The following BRCA2 variants were observed in gnomAD, a reference collection of about 807,000 sequenced individuals.
BRCA2 encodes the protein BRCA2 DNA repair associated.
BRCA2 carries 203 observed loss-of-function variants against 276.7 expected under a neutral mutation model. The observed-to-expected ratio is 0.73, with a 90% CI of 0.65 to 0.82. The LOEUF (loss-of-function observed/expected upper bound fraction) is 0.82, where lower values mean the gene tolerates loss of function less well. BRCA2 is among the 40% of genes least tolerant of loss of function. The pLI, the probability that BRCA2 is intolerant of heterozygous loss-of-function variation, is 0.00. For missense variants in BRCA2, 3,920 were observed against 3,915.0 expected (o/e 1.00, Z -0.03); for synonymous variants, 1,289 against 1,338.4 (o/e 0.96, Z 0.81).
chr13:32,325,307 C>A, intron 4 of BRCA2, 123 bp downstream of exon 4: 1 of 692,674 alleles, frequency 1.4e-6, no homozygotes, highest in Admixed American at 2.7e-5. Flanking sequence ...GAAGATCTTA[C>A]ATTTTTAAAT....
At position 32,333,276 on chromosome 13, in the gene BRCA2, T is replaced by C. The variant is rs75419644; in HGVS notation, c.1798T>C (p.Tyr600His). 2.6e-4 allele frequency: 414 copies of C among 1,606,000 alleles called. 1 individual carries two copies. The African/African-American group carries it at 5.1e-3, about 20-fold the overall frequency. The change falls in exon 10 of 27, where the codon TAT (tyrosine) becomes CAT (histidine). Residue 600 changes from tyrosine (Y) to histidine (H), a missense_variant. Physicochemically the swap from Tyr to His is moderately conservative, Grantham distance 83 (BLOSUM62 2). Around this residue, in one of 2 missense-constraint regions of BRCA2, gnomAD observed 3,263 missense variants for 3,156.9 expected, o/e 1.03. Transcript: ENST00000380152. ...TTATGCTATACATGATGAAACATCT[T>C]ATAAAGGAAAAAAAATACCGAAAGA... ...FIYAIHDETS[Y>H]KGKKIPKDQK...
At position 32,339,571 on chromosome 13, in the gene BRCA2, ATTTAAGT is replaced by A. The variant is rs80359496; in HGVS notation, c.5217_5223del (p.Tyr1739Ter). On this transcript the variant is annotated frameshift_variant, in exon 11 of 27. Transcript: ENST00000380152. LOFTEE classifies it high-confidence loss of function. ...CATCTCTCCGAAAAACAAGATACTT[ATTTAAGT>A]AACAGTAGCATGTCTAACAGCTATT... is the stretch of plus-strand genomic sequence containing the variant. The A allele has an allele frequency of 5.6e-6, 9 of 1,609,454 alleles. No individual in the cohort carries two copies. Among genetic ancestry groups the A allele is most frequent in the Non-Finnish European group, 7.6e-6 (9 of 1,176,852 alleles).
intron 13 of BRCA2, among the ~76,000 whole-genome samples, chr13:32,350,675 C>T (rs2072642557): frequency 6.6e-6 from 1 of 152,088 alleles, no homozygotes; most frequent in Non-Finnish European, 1.5e-5. Context: ...ATGGCATCAA[C>T]CCAGGAGGCG....
At chr13:32,368,001 CTTTTTTTTTTTTTTTTTTTTTT>C (rs71071031) in intron 18 of BRCA2, among the ~76,000 whole-genome samples, 3 of 50,728 alleles carry the variant, frequency 5.9e-5, no homozygotes, top group Admixed American at 6.7e-4. Context: ...TCTTCTAATT[CTTTTTTTTTTTTTTTTTTTTTT>C]TTTTTTTTTT....
In BRCA2 at chr13:32,337,686, A is replaced by G; in HGVS notation, c.3331A>G (p.Ile1111Val). Residue 1111 changes from isoleucine to valine, a missense_variant, in exon 11 of 27, where the codon ATT (isoleucine) becomes GTT (valine). Physicochemically the swap from Ile to Val is conservative, Grantham distance 29. Around this residue, in one of 2 missense-constraint regions of BRCA2, gnomAD observed 3,263 missense variants for 3,156.9 expected, o/e 1.03. Transcript: ENST00000380152. ...TTTAACACCTAGCCAAAAGGCAGAAATTACAGAACTTTCTACTATATTAGA... is the reference window on the plus strand; with the variant it reads ...TTTAACACCTAGCCAAAAGGCAGAAGTTACAGAACTTTCTACTATATTAGA... ...HNLTPSQKAE[I>V]TELSTILEES... 6.3e-7 allele frequency: 1 copy of G among 1,598,988 alleles called. No individual in the cohort carries two copies. The highest frequency in any genetic ancestry group is 1.1e-5 in the South Asian group (1 of 87,862).
Position 32,340,026 on chromosome 13 carries a change from G to A in BRCA2, c.5671G>A (p.Ala1891Thr), listed in dbSNP as rs587782644. ...KSKICQTKIM[A>T]GCYEALDDSE... ...AAAAATTTGCCAAACGAAAATTATG[G>A]CAGGTTGTTACGAGGCATTGGATGA... Residue 1891 changes from alanine (A) to threonine (T), a missense_variant, in exon 11 of 27, where the codon GCA becomes ACA. Transcript: ENST00000380152. 6.2e-7 allele frequency: 1 copy of A among 1,613,458 alleles called. No homozygotes were observed. Among genetic ancestry groups the A allele is most frequent in the Non-Finnish European group, 8.5e-7 (1 of 1,179,804 alleles).
At position 32,332,405 on chromosome 13, in the gene BRCA2, A is replaced by G. The variant is rs80359806; in HGVS notation, c.927A>G (p.Ser309=). 76 of 1,591,586 alleles carry G rather than the reference A, an allele frequency of 4.8e-5. No individual in the cohort carries two copies. The highest frequency in any genetic ancestry group is 5.6e-5 in the Non-Finnish European group (65 of 1,170,866). The change falls in exon 10 of 27, where the codon TCA becomes TCG. Residue 309 remains serine (S), a synonymous_variant. Transcript: ENST00000380152. ...VVDTSEEDSF[S]LCFSKCRTKN... ...ATACCTCTGAAGAAGATAGTTTTTCATTATGTTTTTCTAAATGTAGAACAA... is the reference window on the plus strand; with the variant it reads ...ATACCTCTGAAGAAGATAGTTTTTCGTTATGTTTTTCTAAATGTAGAACAA...
At chr13:32,372,951 A>G (rs944256798) in intron 20 of BRCA2, among the ~76,000 whole-genome samples, 6 of 152,018 alleles carry the variant, frequency 3.9e-5, no homozygotes, top group Non-Finnish European at 5.9e-5. Flanking sequence ...CAAAGGGGCC[A>G]CAGTCCCCAT....
At chr13:32,347,030 T>TTTATAA in intron 13 of BRCA2, 134 bp downstream of exon 13, 11 of 667,336 alleles carry the variant, frequency 1.6e-5, no homozygotes, top group South Asian at 6.5e-5. Flanking sequence ...ATTTATAAAA[T>TTTATAA]ACTTTGGTAG....
At chr13:32,380,896 T>A (rs1229451429) in intron 24 of BRCA2, among the ~76,000 whole-genome samples, 2 of 152,186 alleles carry the variant, frequency 1.3e-5, no homozygotes, top group Non-Finnish European at 2.9e-5. Flanking sequence ...ATAGCATGAA[T>A]CTGTTGTGAA....
chr13:32,327,943 T>C lies in BRCA2; in HGVS notation c.631+1330T>C, dbSNP rs115548886. On this transcript the variant is annotated intron_variant, in intron 7 of 26. Coordinates refer to ENST00000380152, the MANE Select transcript of BRCA2 (RefSeq NM_000059.4). ...CATGCCACCAGTATACTACCAGTCC[T>C]GGCTAATTTTTTTTGTATTTTTTGT... 0.014 allele frequency among the ~76,000 whole-genome samples: 2,096 copies of C among 152,004 alleles called. 62 individuals are homozygous for C. The highest frequency in any genetic ancestry group is 0.048 in the African/African-American group (2,002 of 41,486).
intron 11 of BRCA2, among the ~76,000 whole-genome samples, chr13:32,343,720 CAAT>C (rs1014596408): frequency 2.0e-5 from 3 of 150,548 alleles, no homozygotes; most frequent in Non-Finnish European, 4.4e-5. Context: ...AAAAAAAAAA[CAAT>C]AACTCAGACT....
chr13:32,339,947 CAT>C lies in BRCA2; in HGVS notation c.5595_5596del (p.Phe1866TyrfsTer6), dbSNP rs80359524. The C allele has an allele frequency of 1.2e-6, 2 of 1,608,264 alleles. No individual in the cohort carries two copies. The highest frequency in any genetic ancestry group is 1.7e-6 in the Non-Finnish European group (2 of 1,177,260). On this transcript the variant is annotated frameshift_variant, in exon 11 of 27. Transcript: ENST00000380152. LOFTEE classifies it high-confidence loss of function. The part of the protein sequence containing the change: ...SHETIKKVKD[I>X]FTDSFSKVIK... ...ATGAAACAATTAAAAAAGTGAAAGA[CAT>C]ATTTACAGACAGTTTCAGTAAAGTA...
chr13:32,380,605 A>G (rs910524524), intron 24 of BRCA2, among the ~76,000 whole-genome samples: 1 of 144,672 alleles, frequency 6.9e-6, no homozygotes, highest in African/African-American at 2.6e-5. Context: ...CAGTGGCGCT[A>G]TCTCAGCCCA....
Position 32,346,841 on chromosome 13 carries a change from C to T in BRCA2, c.6952C>T (p.Arg2318Ter), listed in dbSNP as rs80358920. 15 of 1,607,640 alleles carry T rather than the reference C, an allele frequency of 9.3e-6. No individual in the cohort carries two copies. The East Asian group carries it at 3.1e-4, about 34-fold the overall frequency. Reference sequence around the variant, plus strand: ...TTGTTTCCTAGGCACAATAAAAGATCGAAGATTGTTTATGCATCATGTTTC... The same window carrying T: ...TTGTTTCCTAGGCACAATAAAAGATTGAAGATTGTTTATGCATCATGTTTC... ...KSTPDGTIKD[R>*]RLFMHHVSLE... Residue 2318 changes from arginine (R) to a stop codon, truncating the protein, a stop_gained, in exon 13 of 27, where the codon CGA (arginine) becomes TGA (stop). Transcript: ENST00000380152. LOFTEE classifies it high-confidence loss of function.
Position 32,338,664 on chromosome 13 carries a change from A to C in BRCA2, c.4309A>C (p.Ser1437Arg). Residue 1437 changes from serine to arginine, a missense_variant, in exon 11 of 27, where the codon AGT becomes CGT. Around this residue, in one of 2 missense-constraint regions of BRCA2, gnomAD observed 3,263 missense variants for 3,156.9 expected, o/e 1.03. Coordinates refer to ENST00000380152, the MANE Select transcript of BRCA2 (RefSeq NM_000059.4). Reference sequence around the variant, plus strand: ...TCAGACTGCAAGTGGGAAAAATATTAGTGTCGCCAAAGAGTCATTTAATAA... The same window carrying C: ...TCAGACTGCAAGTGGGAAAAATATTCGTGTCGCCAAAGAGTCATTTAATAA... ...FFQTASGKNI[S>R]VAKESFNKIV... 1 of 1,597,072 alleles carries C rather than the reference A, an allele frequency of 6.3e-7. No individual in the cohort carries two copies. Among genetic ancestry groups the C allele is most frequent in the South Asian group, 1.1e-5 (1 of 88,312 alleles).
At chr13:32,322,880 T>C (rs937885568) in intron 3 of BRCA2, among the ~76,000 whole-genome samples, 2 of 152,236 alleles carry the variant, frequency 1.3e-5, no homozygotes, top group African/African-American at 2.4e-5. Context: ...CTGGTATAAA[T>C]ATTCACATAC....
chr13:32,362,367 A>G, intron 16 of BRCA2, 156 bp from the exon 17 acceptor site: 2 of 745,214 alleles, frequency 2.7e-6, no homozygotes, highest in East Asian at 2.7e-5. Flanking sequence ...GATACATGTC[A>G]AATAATTTTC....
At chr13:32,342,231 CCA>C (rs1227422575) in intron 11 of BRCA2, among the ~76,000 whole-genome samples, 6 of 150,080 alleles carry the variant, frequency 4.0e-5, no homozygotes, top group Admixed American at 4.0e-4. Context: ...TGACATCACA[CCA>C]CTGCTCTCCA....
Sources: allele counts gnomAD v4.1 joint callset (sites outside exome capture counted in the v4.1 genomes callset), GRCh38; gene constraint gnomAD v4.1.1; regional missense constraint gnomAD v4.1.1; transcripts MANE v1.5; gene names NCBI Gene and HGNC (gene_info 2026-07-23, HGNC 2026-07-21).